The following CTC1 variants were observed in gnomAD, a reference collection of about 807,000 sequenced individuals.
CTC1 encodes CST complex subunit CTC1.
CTC1 carries 91 observed loss-of-function variants against 136.3 expected under a neutral mutation model. The observed-to-expected ratio is 0.67, with a 90% CI of 0.56 to 0.79. CTC1 has a LOEUF of 0.79. CTC1 is among the 30% of genes least tolerant of loss of function. CTC1 has a pLI of 0.00. For synonymous variants in CTC1, 606 were observed against 613.8 expected, an observed-to-expected ratio of 0.99 and a Z score of 0.19; for missense variants, 1,432 against 1,498.1, an observed-to-expected ratio of 0.96 and a Z score of 0.73.
intron 2 of CTC1, 139 bp downstream of exon 2, chr17:8,242,846 G>T: frequency 1.7e-6 from 1 of 598,324 alleles, no homozygotes; most frequent in Non-Finnish European, 2.7e-6. Flanking sequence ...GAAAAGCTCT[G>T]CAGAAGGGGT....
Position 8,230,371 on chromosome 17 carries a change from GTCT to G in CTC1, c.2853_2855del (p.Glu951del), listed in dbSNP as rs750672603. ...GTCCTAGTGAGGGAGGCAAGTGTGG[GTCT>G]TCTATATATACATCCAGGTGAGGGG... On this transcript the variant is annotated inframe_deletion, in exon 17 of 23. Coordinates refer to ENST00000651323, the MANE Select transcript of CTC1 (RefSeq NM_025099.6). 1.2e-6 allele frequency: 2 copies of G among 1,614,146 alleles called. No homozygotes were observed. The highest frequency in any genetic ancestry group is 4.5e-5 in the East Asian group (2 of 44,882).
chr17:8,230,339 G>A lies in CTC1; in HGVS notation c.2888C>T (p.Pro963Leu), dbSNP rs1266350996. Residue 963 changes from proline (P) to leucine (L), a missense_variant, in exon 17 of 23, where the codon CCA becomes CTA. Pro to Leu is a moderately conservative substitution (Grantham distance 98, BLOSUM62 -3). Transcript: ENST00000651323. ...CTGGCTGAAGTGGACCCGGGCTCCT[G>A]GAAGTAGTCCTAGTGAGGGAGGCAA... ...PHLPPSLGLLPGARVHFSQLE... is the reference protein window; with the variant it reads ...PHLPPSLGLLLGARVHFSQLE... 6.2e-7 allele frequency: 1 copy of A among 1,613,874 alleles called. No homozygotes were observed. Among genetic ancestry groups the A allele is most frequent in the African/African-American group, 1.3e-5 (1 of 74,934 alleles).
chr17:8,235,843 T>G lies in CTC1; in HGVS notation c.1194A>C (p.Gly398=), dbSNP rs760526043. 3 of 1,612,096 alleles carry G rather than the reference T, an allele frequency of 1.9e-6. No homozygotes were observed. In the African/African-American group the frequency reaches 4.0e-5, roughly 22 times the overall value. ...FRGLRRVMRP[G]VCLQLQDVHL... is the part of the protein sequence containing the mutation. The stretch of plus-strand genomic sequence containing the variant: ...TGATCTCACATACCTGCAGACACAC[T>G]CCAGGTCGCATCACCCGCCTAAGGC... The change falls in exon 7 of 23, where the codon GGA becomes GGC. Residue 398 remains glycine (G), a synonymous_variant. Transcript: ENST00000651323.
chr17:8,231,224 T>C, intron 15 of CTC1, 52 bp downstream of exon 15: 1 of 1,391,758 alleles, frequency 7.2e-7, no homozygotes, highest in Non-Finnish European at 9.6e-7. Context: ...CCAGCTAGCT[T>C]GGGAGAAGAG....
intron 18 of CTC1, among the ~76,000 whole-genome samples, 183 bp downstream of exon 18, chr17:8,229,708 G>T (rs1987046624): frequency 6.6e-6 from 1 of 152,204 alleles, no homozygotes; most frequent in African/African-American, 2.4e-5. Flanking sequence ...AACACTAAAT[G>T]ATTCTGGGTA....
chr17:8,237,038 G>GT (rs59734806), intron 5 of CTC1, among the ~76,000 whole-genome samples: 95,615 of 143,058 alleles, frequency 0.67, 33,467 homozygotes, highest in Non-Finnish European at 0.8. Context: ...TAAGTACCAA[G>GT]TTTTTTTTTT....
At chr17:8,234,959 C>G in intron 8 of CTC1, 33 bp from the exon 9 acceptor site, 1 of 1,593,938 alleles carries the variant, frequency 6.3e-7, no homozygotes, top group Non-Finnish European at 8.6e-7. Context: ...GTCACTTCCC[C>G]TGAAGAGCCT....
chr17:8,239,405 G>T (rs1370631076), intron 2 of CTC1, among the ~76,000 whole-genome samples: 17 of 152,160 alleles, frequency 1.1e-4, no homozygotes, highest in Admixed American at 1.0e-3. Flanking sequence ...TAGAGACTAG[G>T]GGGGAAGCTG....
At position 8,226,765 on chromosome 17, in the gene CTC1, G is replaced by C. The variant is rs945084729; in HGVS notation, c.*1415C>G. On this transcript the variant is annotated 3_prime_UTR_variant, in exon 23 of 23. Coordinates refer to ENST00000651323, the MANE Select transcript of CTC1 (RefSeq NM_025099.6). The stretch of plus-strand genomic sequence containing the variant: ...CTGACAAACATCTGCCTCCATGAAA[G>C]CGCTTCAGGGAAAAAAAGACGCGGC... The C allele has an allele frequency of 6.6e-6, 1 of 152,128 alleles. No homozygotes were observed. The highest frequency in any genetic ancestry group is 6.6e-5 in the Admixed American group (1 of 15,266). The allele number at this position is 152,128 out of a possible 1,614,324, so 9.4% of individuals were successfully genotyped here. A position where few individuals can be genotyped will look rare whatever the true frequency, so the allele number is the denominator to read the frequency against.
chr17:8,233,700 C>T (rs1036137081), intron 10 of CTC1, among the ~76,000 whole-genome samples: 3 of 152,104 alleles, frequency 2.0e-5, no homozygotes, highest in African/African-American at 7.2e-5. Flanking sequence ...GCCCAGGAGG[C>T]AAGGTTGCAG....
intron 1 of CTC1, among the ~76,000 whole-genome samples, chr17:8,244,755 G>T (rs908107120): frequency 2.6e-5 from 4 of 152,060 alleles, no homozygotes; most frequent in African/African-American, 9.7e-5. Context: ...TCGAACTCCT[G>T]AACTCAAGTG....
Position 8,234,621 on chromosome 17 carries a change from G to C in CTC1, c.1652C>G (p.Thr551Ser), listed in dbSNP as rs771566152. ...TRLQTPSSFP[T>S]LATLKEEGQR... ...TCCTTCTTCTTTCAGGGTGGCCAGA[G>C]TGGGGAAGGAGGAGGGAGTCTGCAG... Residue 551 changes from threonine to serine, a missense_variant, in exon 10 of 23, where the codon ACT becomes AGT. Transcript: ENST00000651323. 1 of 1,612,986 alleles carries C rather than the reference G, an allele frequency of 6.2e-7. No homozygotes were observed. Among genetic ancestry groups the C allele is most frequent in the African/African-American group, 1.3e-5 (1 of 74,928 alleles).
intron 5 of CTC1, among the ~76,000 whole-genome samples, chr17:8,236,683 A>G (rs978036594): frequency 7.9e-5 from 12 of 152,246 alleles, no homozygotes; most frequent in African/African-American, 2.7e-4. Flanking sequence ...ATATGTATCC[A>G]GTATTGTGAC....
At chr17:8,244,244 G>C (rs1988500520) in intron 1 of CTC1, among the ~76,000 whole-genome samples, 1 of 152,176 alleles carries the variant, frequency 6.6e-6, no homozygotes, top group Non-Finnish European at 1.5e-5. Flanking sequence ...AACCTCACTT[G>C]ATTTGTTTCC....
chr17:8,225,718 G>A lies in CTC1; in HGVS notation c.*2462C>T, dbSNP rs1986577180. 6.6e-6 allele frequency: 1 copy of A among 152,114 alleles called. No homozygotes were observed. Among genetic ancestry groups the A allele is most frequent in the Admixed American group, 6.6e-5 (1 of 15,250 alleles). 9.4% of individuals were successfully genotyped at this position (152,114 alleles called of 1,614,324 possible). ...TTACTCCTTACCCTGACATCCCGCT[G>A]GTGGAGAGGGATGGAGGTAACTGCA... On this transcript the variant is annotated 3_prime_UTR_variant, in exon 23 of 23. Coordinates refer to ENST00000651323, the MANE Select transcript of CTC1 (RefSeq NM_025099.6).
At position 8,248,013 on chromosome 17, in the gene CTC1, G is replaced by T. The variant is rs749818659; in HGVS notation, c.24C>A (p.Val8=). 187 of 1,559,384 alleles carry T rather than the reference G, an allele frequency of 1.2e-4. No homozygotes were observed. Among genetic ancestry groups the T allele is most frequent in the Non-Finnish European group, 1.6e-4 (179 of 1,146,512 alleles). MAAGRAQ[V]PSSEQAWLED... ...TAATAGCAGCACTCACGGAGGAAGG[G>T]ACCTGGGCCCGGCCAGCCGCCATGA... Residue 8 remains valine (V), a synonymous_variant, in exon 1 of 23, where the codon GTC becomes GTA. Transcript: ENST00000651323.
Position 8,232,097 on chromosome 17 carries a change from G to A in CTC1, c.2191C>T (p.Arg731Trp), listed in dbSNP as rs781720954. 4.6e-5 allele frequency: 72 copies of A among 1,548,646 alleles called. No individual in the cohort carries two copies. Among genetic ancestry groups the A allele is most frequent in the Non-Finnish European group, 5.9e-5 (68 of 1,153,212 alleles). ...TCCTTGTGGCAGAGCAAGAAGAGCC[G>A]GCTCTGTCCTAGGTGGGGTCCCTCT... Reference protein sequence around the residue: ...GPEGPHLGQSRLFLLCHKEAL... With the variant: ...GPEGPHLGQSWLFLLCHKEAL... The change falls in exon 13 of 23, where the codon CGG becomes TGG. Residue 731 changes from arginine to tryptophan, a missense_variant. Transcript: ENST00000651323.
At chr17:8,247,228 T>C (rs555645809) in intron 1 of CTC1, among the ~76,000 whole-genome samples, 1 of 151,644 alleles carries the variant, frequency 6.6e-6, no homozygotes, top group East Asian at 2.0e-4. Flanking sequence ...AACTGAACTT[T>C]TGAGTTTTTC....
chr17:8,232,241 C>T lies in CTC1; in HGVS notation c.2061-14G>A, dbSNP rs774632748. The T allele has an allele frequency of 7.2e-6, 11 of 1,537,040 alleles. No individual in the cohort carries two copies. Among genetic ancestry groups the T allele is most frequent in the Non-Finnish European group, 7.9e-6 (9 of 1,144,870 alleles). ...TGGACATAGACTCTGTTGGGAGAGA[C>T]AAGGAATACATTTCTTAGTGATGCA... On this transcript the variant is annotated splice_polypyrimidine_tract_variant and intron_variant, in intron 12 of 22. Coordinates refer to ENST00000651323, the MANE Select transcript of CTC1 (RefSeq NM_025099.6).
Sources: gnomAD v4.1 joint callset for allele counts (sites outside exome capture counted in the v4.1 genomes callset) on GRCh38, gnomAD v4.1.1 for gene constraint, MANE v1.5 for transcripts, NCBI Gene and HGNC (gene_info 2026-07-23, HGNC 2026-07-21) for gene names.